The following BPHL variants were observed in gnomAD, a reference collection of about 807,000 sequenced individuals.
BPHL encodes biphenyl hydrolase like, also known as serine hydrolase BPHL.
Under a neutral mutation model 31.2 loss-of-function variants are expected in BPHL, and 27 were observed. The observed-to-expected ratio is 0.87, with a 90% CI of 0.64 to 1.19. The LOEUF is 1.19. BPHL is among the 50% of genes most tolerant of loss of function. The pLI is 0.00. For synonymous variants in BPHL, 150 were observed against 146.8 expected, an observed-to-expected ratio of 1.02 and a Z score of -0.16; for missense variants, 356 against 375.7, an observed-to-expected ratio of 0.95 and a Z score of 0.43.
chr6:3,122,172 T>G (rs941018961), intron 1 of BPHL, among the ~76,000 whole-genome samples: 1 of 151,856 alleles, frequency 6.6e-6, no homozygotes, highest in Non-Finnish European at 1.5e-5. Flanking sequence ...CCCAGCTACT[T>G]GGGAGGCTGA....
At chr6:3,147,854 A>G (rs1762424210) in intron 6 of BPHL, among the ~76,000 whole-genome samples, 1 of 152,178 alleles carries the variant, frequency 6.6e-6, no homozygotes. Context: ...GAGGCTTGAG[A>G]CCCAGGAAGA....
At chr6:3,137,713 A>C (rs937541853) in intron 5 of BPHL, among the ~76,000 whole-genome samples, 1 of 152,172 alleles carries the variant, frequency 6.6e-6, no homozygotes, top group Non-Finnish European at 1.5e-5. Context: ...AAAGGTTCAC[A>C]TTGTTGAGTC....
Position 3,152,658 on chromosome 6 carries a change from T to C in BPHL, c.*83T>C, listed in dbSNP as rs1762557878. On this transcript the variant is annotated 3_prime_UTR_variant, in exon 7 of 7. Transcript: ENST00000380379. Reference sequence around the variant, plus strand: ...TGTTAACATGATGCCTTTGAAACTCTCCGCCTTTGAAACTTTCTACCCCTC... The same window carrying C: ...TGTTAACATGATGCCTTTGAAACTCCCCGCCTTTGAAACTTTCTACCCCTC... 7.8e-7 allele frequency: 1 copy of C among 1,275,846 alleles called. No individual in the cohort carries two copies. Among genetic ancestry groups the C allele is most frequent in the Non-Finnish European group, 1.1e-6 (1 of 900,132 alleles). 79.0% of individuals were successfully genotyped at this position (1,275,846 alleles called of 1,614,324 possible).
intron 6 of BPHL, among the ~76,000 whole-genome samples, chr6:3,148,949 C>T (rs577606015): frequency 1.3e-4 from 20 of 152,332 alleles, no homozygotes; most frequent in Non-Finnish European, 2.6e-4. Context: ...CACAGATTAA[C>T]ACCTTCAGGA....
chr6:3,125,839 C>T (rs1353972293), intron 2 of BPHL, among the ~76,000 whole-genome samples: 2 of 152,218 alleles, frequency 1.3e-5, no homozygotes, highest in African/African-American at 4.8e-5. Flanking sequence ...AATGATCCTG[C>T]ACCACCTTGA....
intron 1 of BPHL, chr6:3,119,317 T>G: frequency 1.3e-6 from 2 of 1,549,784 alleles, no homozygotes; most frequent in Non-Finnish European, 1.7e-6. Flanking sequence ...CGCTAAGGCT[T>G]TAATCACGGG....
intron 4 of BPHL, among the ~76,000 whole-genome samples, chr6:3,136,867 C>T (rs1280362680): frequency 2.6e-5 from 4 of 152,170 alleles, no homozygotes; most frequent in Non-Finnish European, 5.9e-5. Flanking sequence ...CATATTTCTT[C>T]GGTAGCAGAA....
intron 5 of BPHL, chr6:3,139,832 G>A (rs138370775): frequency 6.5e-6 from 1 of 152,756 alleles, no homozygotes; most frequent in African/African-American, 2.4e-5. Flanking sequence ...ATTGCCTCAG[G>A]AAAGTTCTCA....
intron 4 of BPHL, among the ~76,000 whole-genome samples, chr6:3,130,378 A>G (rs1761840216): frequency 6.6e-6 from 1 of 152,168 alleles, no homozygotes; most frequent in East Asian, 1.9e-4. Flanking sequence ...GCCTCCAGCA[A>G]GCTGCCCCAT....
intron 6 of BPHL, among the ~76,000 whole-genome samples, chr6:3,145,346 GTGGAGTGCTGGTGTGGGT>G (rs1177109928): frequency 5.1e-3 from 249 of 48,906 alleles, no homozygotes; most frequent in African/African-American, 6.9e-3. Context: ...CTGGTTCGGG[GTGGAGTGCTGGTGTGGGT>G]TGGAGTGCTG....
intron 3 of BPHL, among the ~76,000 whole-genome samples, chr6:3,128,631 T>C (rs1014150151): frequency 2.0e-5 from 3 of 152,228 alleles, no homozygotes; most frequent in African/African-American, 4.8e-5. Context: ...CCTGCTTCAC[T>C]CCATCCAGCA....
chr6:3,142,664 C>T (rs1296789669), intron 6 of BPHL, among the ~76,000 whole-genome samples: 6 of 152,054 alleles, frequency 3.9e-5, no homozygotes, highest in Admixed American at 3.9e-4. Context: ...GATTTTTCTC[C>T]TAATATGGTG....
intron 6 of BPHL, among the ~76,000 whole-genome samples, chr6:3,146,417 A>G (rs1469015293): frequency 9.4e-6 from 1 of 106,900 alleles, no homozygotes; most frequent in Non-Finnish European, 1.8e-5. Flanking sequence ...GTTTGGGTTG[A>G]GTGCTGGTTT....
At chr6:3,137,074 C>T (rs913102543) in intron 4 of BPHL, among the ~76,000 whole-genome samples, 1 of 151,890 alleles carries the variant, frequency 6.6e-6, no homozygotes, top group Non-Finnish European at 1.5e-5. Flanking sequence ...GATTTGTGGG[C>T]CTGTATTGTG....
intron 6 of BPHL, among the ~76,000 whole-genome samples, chr6:3,141,008 G>A (rs1039783692): frequency 6.6e-6 from 1 of 152,208 alleles, no homozygotes; most frequent in African/African-American, 2.4e-5. Context: ...GGGAAAGCAG[G>A]CACAGAAACA....
At position 3,123,624 on chromosome 6, in the gene BPHL, T is replaced by C. The variant is rs2231361; in HGVS notation, c.108-33T>C. The C allele has an allele frequency of 1.1e-3, 1,753 of 1,578,278 alleles. 33 individuals carry two copies. In the African/African-American group the frequency reaches 0.022, roughly 19 times the overall value. ...CTAAGAAATCTTCCCATCTCCCCTT[T>C]CCCCCTGTGGGGATGTGTTTTTTCT... On this transcript the variant is annotated intron_variant, in intron 1 of 6. Coordinates refer to ENST00000380379, the MANE Select transcript of BPHL (RefSeq NM_004332.4).
chr6:3,137,127 CA>C (rs771235812), intron 4 of BPHL, among the ~76,000 whole-genome samples: 2 of 151,790 alleles, frequency 1.3e-5, no homozygotes, highest in African/African-American at 2.4e-5. Flanking sequence ...GGGAGCAAAG[CA>C]AAGTCCCTTA....
At chr6:3,119,157 G>T (rs1230964820) in intron 1 of BPHL, 1 of 848,480 alleles carries the variant, frequency 1.2e-6, no homozygotes, top group Non-Finnish European at 1.9e-6. Context: ...AGATACATTT[G>T]CCTGTAGTAT....
intron 4 of BPHL, among the ~76,000 whole-genome samples, 182 bp downstream of exon 4, chr6:3,129,380 G>A (rs1761806551): frequency 6.6e-6 from 1 of 152,256 alleles, no homozygotes; most frequent in South Asian, 2.1e-4. Flanking sequence ...GAGTTTTAAA[G>A]CTTTCTGTTT....
Sources: allele counts gnomAD v4.1 joint callset (sites outside exome capture counted in the v4.1 genomes callset), GRCh38; gene constraint gnomAD v4.1.1; transcripts MANE v1.5; gene names NCBI Gene and HGNC (gene_info 2026-07-23, HGNC 2026-07-21).